EPB41L3: variants seen among roughly 807,000 people sequenced by gnomAD.
EPB41L3 encodes the protein erythrocyte membrane protein band 4.1 like 3, also known as band 4.1-like protein 3.
In EPB41L3, 57 loss-of-function variants were observed where a neutral mutation model predicts 127.1. That is an observed-to-expected ratio of 0.45 (90% CI 0.36 to 0.56). EPB41L3 has a LOEUF of 0.56. Ranked by LOEUF, EPB41L3 falls within the 20% of genes least tolerant of loss-of-function variation. The pLI is 0.00. For synonymous variants in EPB41L3, 572 were observed against 549.5 expected (o/e 1.04, Z -0.57); for missense variants, 1,273 against 1,372.2 (o/e 0.93, Z 1.14).
chr18:5,453,094 C>T (rs945561822), intron 3 of EPB41L3, among the ~76,000 whole-genome samples: 1 of 152,112 alleles, frequency 6.6e-6, no homozygotes, highest in African/African-American at 2.4e-5. Context: ...TAGTCTGTGC[C>T]CAAGACAATG....
chr18:5,474,264 C>T (rs1196288250), intron 3 of EPB41L3, among the ~76,000 whole-genome samples: 1 of 151,914 alleles, frequency 6.6e-6, no homozygotes, highest in Admixed American at 6.6e-5. Flanking sequence ...TGGAAAAGCA[C>T]TGAACACTAC....
At chr18:5,523,043 A>C (rs953417109) in intron 1 of EPB41L3, among the ~76,000 whole-genome samples, 1 of 152,218 alleles carries the variant, frequency 6.6e-6, no homozygotes, top group Non-Finnish European at 1.5e-5. Flanking sequence ...AGGACCTAGT[A>C]TCAAACGCAT....
chr18:5,549,716 A>G (rs1172987814), intron 3 of EPB41L3, among the ~76,000 whole-genome samples: 2 of 152,194 alleles, frequency 1.3e-5, no homozygotes, highest in African/African-American at 4.8e-5. Context: ...AGCCATTTTT[A>G]ACAAGTTCCC....
At position 5,543,836 on chromosome 18, in the gene EPB41L3, G is replaced by T; in HGVS notation, c.-12+77C>A. The T allele has an allele frequency of 1.0e-6, 1 of 973,256 alleles. No individual in the cohort carries two copies. The highest frequency in any genetic ancestry group is 1.2e-6 in the Non-Finnish European group (1 of 819,058). The allele number at this position is 973,256 out of a possible 1,614,324, so 60.3% of individuals were successfully genotyped here. ...CACTGTCCCGCGCGCCTCGCCCCAG[G>T]CCTCGGGCTCTTCCTCCGCACCTCG... On this transcript the variant is annotated intron_variant, in intron 1 of 22. Transcript: ENST00000341928. The surrounding 1 kb of genome is among the most constrained non-coding windows in gnomAD (Gnocchi z 5.2).
At chr18:5,484,410 A>T (rs764321956) in intron 2 of EPB41L3, among the ~76,000 whole-genome samples, 13 of 151,906 alleles carry the variant, frequency 8.6e-5, no homozygotes, top group Non-Finnish European at 1.8e-4. Context: ...CTTCAAATAA[A>T]TAACTCAACG....
chr18:5,594,912 C>T (rs1279296731), intron 3 of EPB41L3, among the ~76,000 whole-genome samples: 1 of 152,178 alleles, frequency 6.6e-6, no homozygotes, highest in Admixed American at 6.5e-5. Context: ...AGAAAATTAT[C>T]TTTCCCGCAA....
At position 5,423,328 on chromosome 18, in the gene EPB41L3, T is replaced by C. The variant is rs1008786005; in HGVS notation, c.1339+50A>G. On this transcript the variant is annotated intron_variant, in intron 11 of 22. Coordinates refer to ENST00000341928, the MANE Select transcript of EPB41L3 (RefSeq NM_012307.5). The stretch of plus-strand genomic sequence containing the variant: ...CTGAAAGCTCATGACAGTTTCACAT[T>C]CTTTTTGGGGTAGGTACTAGGTTAT... The C allele has an allele frequency of 2.0e-6, 3 of 1,480,570 alleles. No homozygotes were observed. The African/African-American group carries it at 4.2e-5, about 21-fold the overall frequency. The allele number at this position is 1,480,570 out of a possible 1,614,324, so 91.7% of individuals were successfully genotyped here. A position where few individuals can be genotyped will look rare whatever the true frequency, so the allele number is the denominator to read the frequency against.
chr18:5,528,295 A>T (rs1475514579), intron 1 of EPB41L3, among the ~76,000 whole-genome samples: 1 of 152,086 alleles, frequency 6.6e-6, no homozygotes, highest in Non-Finnish European at 1.5e-5. Flanking sequence ...CAGCCTCCCC[A>T]GTAGTAGCTG....
intron 2 of EPB41L3, among the ~76,000 whole-genome samples, chr18:5,613,112 T>C (rs991080824): frequency 2.0e-5 from 3 of 152,250 alleles, no homozygotes; most frequent in East Asian, 1.9e-4. Flanking sequence ...TTATGGTGAG[T>C]TGATCTTTGA....
chr18:5,566,783 T>TTCCATTCC (rs1568584093), intron 3 of EPB41L3, among the ~76,000 whole-genome samples: 2 of 77,462 alleles, frequency 2.6e-5, no homozygotes, highest in Non-Finnish European at 6.4e-5. Context: ...TATTCTATTC[T>TTCCATTCC]ATTCTATTCC....
At chr18:5,629,369 C>T (rs1475510600), upstream of EPB41L3, among the ~76,000 whole-genome samples, 1 of 151,408 alleles carries the variant, frequency 6.6e-6, no homozygotes, top group Non-Finnish European at 1.5e-5. Context: ...GAACTGGCTC[C>T]TGCGCCTCTG....
At chr18:5,539,245 GCTTTCTCT>G (rs1568536143) in intron 1 of EPB41L3, among the ~76,000 whole-genome samples, 4 of 45,518 alleles carry the variant, frequency 8.8e-5, no homozygotes, top group South Asian at 1.0e-3. Flanking sequence ...AGACCTTTCT[GCTTTCTCT>G]CTCTCTCTCT....
chr18:5,490,688 C>T (rs1028178054), intron 1 of EPB41L3, among the ~76,000 whole-genome samples: 1 of 152,038 alleles, frequency 6.6e-6, no homozygotes, highest in Non-Finnish European at 1.5e-5. Context: ...GATTTTCGAG[C>T]AAATCTTAAA....
chr18:5,474,672 T>C (rs1294174076), intron 3 of EPB41L3, among the ~76,000 whole-genome samples: 4 of 152,208 alleles, frequency 2.6e-5, no homozygotes, highest in East Asian at 3.9e-4. Context: ...AAAAGTTTCA[T>C]CTGTTATCAT....
At chr18:5,462,862 G>T (rs1388840639) in intron 3 of EPB41L3, among the ~76,000 whole-genome samples, 1 of 152,174 alleles carries the variant, frequency 6.6e-6, no homozygotes, top group African/African-American at 2.4e-5. Flanking sequence ...ATAGTAGATT[G>T]CTACTTTCAT....
At chr18:5,617,524 T>C (rs2094811789) in intron 1 of EPB41L3, among the ~76,000 whole-genome samples, 1 of 152,122 alleles carries the variant, frequency 6.6e-6, no homozygotes, top group Admixed American at 6.5e-5. Context: ...TTCACCGTTT[T>C]AGCCGGGATG....
chr18:5,500,460 C>T (rs188916827), intron 1 of EPB41L3, among the ~76,000 whole-genome samples: 4 of 152,272 alleles, frequency 2.6e-5, no homozygotes, highest in Admixed American at 6.5e-5. Flanking sequence ...TGAAATGGGT[C>T]TCTCTTTCAC....
At chr18:5,427,989 C>T (rs975391665) in intron 9 of EPB41L3, among the ~76,000 whole-genome samples, 22 of 152,022 alleles carry the variant, frequency 1.4e-4, no homozygotes, top group South Asian at 2.1e-4. Context: ...TTGTGATCCA[C>T]GCCCCCACCC....
intron 8 of EPB41L3, 90 bp from the exon 9 acceptor site, chr18:5,428,555 C>A (rs1234178812): frequency 1.4e-6 from 2 of 1,454,356 alleles, no homozygotes; most frequent in Admixed American, 1.9e-5. Context: ...ACGACAGAAA[C>A]TATAAATGGC....
Sources: gnomAD v4.1 joint callset for allele counts (sites outside exome capture counted in the v4.1 genomes callset) on GRCh38, gnomAD v4.1.1 for gene constraint, Gnocchi (gnomAD v3.1) non-coding constraint, MANE v1.5 for transcripts, NCBI Gene and HGNC (gene_info 2026-07-23, HGNC 2026-07-21) for gene names.